SPAST: variants seen among roughly 807,000 people sequenced by gnomAD.
SPAST encodes spastin.
Under a neutral mutation model 76.6 loss-of-function variants are expected in SPAST, and 30 were observed. The observed-to-expected ratio is 0.39, with a 90% CI of 0.29 to 0.53. SPAST has a LOEUF of 0.53. Among genes scored for constraint, SPAST ranks in the 20% least tolerant of loss-of-function variants. The pLI is 0.68. For synonymous variants in SPAST, 305 were observed against 281.0 expected (o/e 1.09, Z -0.86); for missense variants, 717 against 770.5 (o/e 0.93, Z 0.82).
intron 1 of SPAST, among the ~76,000 whole-genome samples, chr2:32,079,678 C>T (rs1261397440): frequency 1.3e-5 from 2 of 149,122 alleles, no homozygotes; most frequent in Non-Finnish European, 3.0e-5. Context: ...ACCACCTCAG[C>T]CTCCCAAGTA....
intron 4 of SPAST, among the ~76,000 whole-genome samples, chr2:32,101,074 T>C (rs1378580057): frequency 6.6e-6 from 1 of 152,160 alleles, no homozygotes; most frequent in Non-Finnish European, 1.5e-5. Context: ...TACGTTCCCA[T>C]CAACAGTGTA....
rs1285312288 is a variant in SPAST at position 32,087,566 on chromosome 2, G to A, written c.490G>A (p.Val164Ile). Residue 164 changes from valine (V) to isoleucine (I), a missense_variant, in exon 2 of 17, where the codon GTT becomes ATT. Physicochemically the swap from Val to Ile is conservative, Grantham distance 29 (BLOSUM62 3). Around this residue, in one of 3 missense-constraint regions of SPAST, gnomAD observed 543 missense variants for 445.2 expected, o/e 1.22. Coordinates refer to ENST00000315285, the MANE Select transcript of SPAST (RefSeq NM_014946.4). The stretch of plus-strand genomic sequence containing the variant: ...ACTGGAAAAAGGAATAGCTGTTATA[G>A]TTACAGGACAAGGTAAGATTGTATT... ...EELEKGIAVI[V>I]TGQGEQCERA... 1 of 1,584,062 alleles carries A rather than the reference G, an allele frequency of 6.3e-7. No individual in the cohort carries two copies. The highest frequency in any genetic ancestry group is 8.7e-7 in the Non-Finnish European group (1 of 1,154,222).
intron 14 of SPAST, 55 bp from the exon 15 acceptor site, chr2:32,144,882 C>A: frequency 7.8e-7 from 1 of 1,287,322 alleles, no homozygotes; most frequent in Non-Finnish European, 1.1e-6. Context: ...AAAACTCCAT[C>A]TCAAAAAAAA....
At position 32,097,854 on chromosome 2, in the gene SPAST, C is replaced by T. The variant is rs187189913; in HGVS notation, c.587-942C>T. Among the ~76,000 whole-genome samples, 1,457 of 151,810 alleles carry T rather than the reference C, an allele frequency of 9.6e-3. 28 individuals are homozygous for T. Among genetic ancestry groups the T allele is most frequent in the South Asian group, 0.049 (237 of 4,802 alleles). On this transcript the variant is annotated intron_variant, in intron 3 of 16. Coordinates refer to ENST00000315285, the MANE Select transcript of SPAST (RefSeq NM_014946.4). ...GACTACAGGCGCGTGCCACCACGCC[C>T]GGATACTTTTTTGTTTGTTTGTTTT...
chr2:32,064,047 G>T lies in SPAST; in HGVS notation c.216G>T (p.Gly72=), dbSNP rs1480040697. The change falls in exon 1 of 17, where the codon GGG becomes GGT. Residue 72 remains glycine, a synonymous_variant. Coordinates refer to ENST00000315285, the MANE Select transcript of SPAST (RefSeq NM_014946.4). ...TGCGTTTGGTCGCCTTCCACCTGGG[G>T]CTCCTCTTCGTGTGGCTCTGCCAGC... ...ALLRLVAFHL[G]LLFVWLCQRF... 1.9e-6 allele frequency: 3 copies of T among 1,613,310 alleles called. No homozygotes were observed. The highest frequency in any genetic ancestry group is 2.5e-6 in the Non-Finnish European group (3 of 1,179,546).
intron 4 of SPAST, among the ~76,000 whole-genome samples, chr2:32,107,403 C>G (rs934763523): frequency 1.3e-5 from 2 of 152,060 alleles, no homozygotes; most frequent in African/African-American, 4.8e-5. Flanking sequence ...AGGCACCTGC[C>G]ACCACACCCA....
intron 1 of SPAST, among the ~76,000 whole-genome samples, chr2:32,066,993 CCAAAAAA>C (rs1676544632): frequency 2.4e-5 from 1 of 41,678 alleles, no homozygotes; most frequent in South Asian, 1.2e-3. Context: ...AAAAAAAAAA[CCAAAAAA>C]AAAAAAACTG....
At chr2:32,085,015 T>G (rs953343552) in intron 1 of SPAST, among the ~76,000 whole-genome samples, 8 of 152,030 alleles carry the variant, frequency 5.3e-5, no homozygotes, top group African/African-American at 1.7e-4. Flanking sequence ...AATATGACAT[T>G]GTTATCACTT....
chr2:32,133,795 A>C (rs13428933), intron 9 of SPAST, among the ~76,000 whole-genome samples: 18,465 of 152,148 alleles, frequency 0.12, 1,297 homozygotes, highest in Middle Eastern at 0.24. Context: ...AAATCAGAGA[A>C]GTTAATAATA....
In SPAST at chr2:32,136,928, G is replaced by C. The variant is rs562431619; in HGVS notation, c.1373G>C (p.Ser458Thr). ...AGAAGAGAAGGGGAGCACGATGCTA[G>C]TAGACGCCTAAAAACTGAATTTCTA... ...CERREGEHDA[S>T]RRLKTEFLIE... is the part of the protein sequence containing the mutation. The change falls in exon 11 of 17, where the codon AGT (serine) becomes ACT (threonine). Residue 458 changes from serine (S) to threonine (T), a missense_variant. Coordinates refer to ENST00000315285, the MANE Select transcript of SPAST (RefSeq NM_014946.4). 4 of 1,613,752 alleles carry C rather than the reference G, an allele frequency of 2.5e-6. No homozygotes were observed. Among genetic ancestry groups the C allele is most frequent in the Non-Finnish European group, 3.4e-6 (4 of 1,179,832 alleles).
chr2:32,088,360 T>A (rs1319484528), intron 2 of SPAST, among the ~76,000 whole-genome samples: 1 of 152,158 alleles, frequency 6.6e-6, no homozygotes, highest in South Asian at 2.1e-4. Flanking sequence ...ATAAATGTAT[T>A]TGGGCCAGGC....
chr2:32,113,846 T>G (rs4952247), intron 4 of SPAST, among the ~76,000 whole-genome samples: 4 of 151,848 alleles, frequency 2.6e-5, no homozygotes, highest in African/African-American at 9.7e-5. Flanking sequence ...GGATTACAGG[T>G]GTGAGCCATC....
At chr2:32,113,611 G>T (rs1404663038) in intron 4 of SPAST, among the ~76,000 whole-genome samples, 1 of 137,540 alleles carries the variant, frequency 7.3e-6, no homozygotes, top group Admixed American at 8.0e-5. Flanking sequence ...TGTCACCCAG[G>T]CTGGAGTGCA....
At position 32,075,811 on chromosome 2, in the gene SPAST, C is replaced by T. The variant is rs534114619; in HGVS notation, c.415+11565C>T. 3.3e-5 allele frequency among the ~76,000 whole-genome samples: 5 copies of T among 150,092 alleles called. No homozygotes were observed. The East Asian group carries it at 7.9e-4, about 24-fold the overall frequency. ...TCAAGTGATCCCCCCTCCTTGGCCT[C>T]CCAAAGTGCTGGGATTACAGGCGTG... is the stretch of plus-strand genomic sequence containing the variant. On this transcript the variant is annotated intron_variant, in intron 1 of 16. Coordinates refer to ENST00000315285, the MANE Select transcript of SPAST (RefSeq NM_014946.4).
chr2:32,068,787 G>A (rs981967200), intron 1 of SPAST, among the ~76,000 whole-genome samples: 5 of 151,848 alleles, frequency 3.3e-5, no homozygotes, highest in African/African-American at 1.2e-4. Flanking sequence ...CCAGCTACTC[G>A]GGAGGGTGAG....
intron 4 of SPAST, among the ~76,000 whole-genome samples, chr2:32,112,913 T>A (rs1469965441): frequency 6.6e-6 from 1 of 152,122 alleles, no homozygotes; most frequent in Non-Finnish European, 1.5e-5. Context: ...TAAACACTGA[T>A]GTTTGTTGCG....
chr2:32,101,030 C>T (rs1036438419), intron 4 of SPAST, among the ~76,000 whole-genome samples: 7 of 152,276 alleles, frequency 4.6e-5, no homozygotes, highest in Non-Finnish European at 5.9e-5. Context: ...CTTGAGGAAT[C>T]GCCACACTGT....
Position 32,157,189 on chromosome 2 carries a change from G to A in SPAST, c.*2693G>A, listed in dbSNP as rs948858587. On this transcript the variant is annotated 3_prime_UTR_variant, in exon 17 of 17. Coordinates refer to ENST00000315285, the MANE Select transcript of SPAST (RefSeq NM_014946.4). ...GTGCTCTTCATGTTAATATGGCAGA[G>A]TTTTGTAAACTAAATTAAAACTTAC... 2.6e-5 allele frequency: 4 copies of A among 152,598 alleles called. No individual in the cohort carries two copies. The highest frequency in any genetic ancestry group is 9.7e-5 in the African/African-American group (4 of 41,440). 9.5% of individuals were successfully genotyped at this position (152,598 alleles called of 1,614,324 possible).
intron 9 of SPAST, among the ~76,000 whole-genome samples, chr2:32,135,837 G>C (rs1679518358): frequency 6.6e-6 from 1 of 152,104 alleles, no homozygotes; most frequent in African/African-American, 2.4e-5. Context: ...ACATTATTCA[G>C]AAGGAAGAAG....
Sources: gnomAD v4.1 joint callset for allele counts (sites outside exome capture counted in the v4.1 genomes callset) on GRCh38, gnomAD v4.1.1 for gene constraint, gnomAD v4.1.1 regional missense constraint, MANE v1.5 for transcripts, NCBI Gene and HGNC (gene_info 2026-07-23, HGNC 2026-07-21) for gene names.